The following TCEAL4 variants were observed in gnomAD, a reference collection of about 807,000 sequenced individuals.
TCEAL4 encodes the protein transcription elongation factor A like 4.
A neutral mutation model predicts 1.3 loss-of-function variants in TCEAL4; 1 was observed. The ratio of observed to expected loss-of-function variants is 0.79; its 90% CI spans 0.28 to 3.76. TCEAL4 has a LOEUF of 3.76. Among genes scored for constraint, TCEAL4 ranks in the 30% most tolerant of loss-of-function variants. The pLI is 0.18. For missense variants in TCEAL4, 129 were observed against 154.7 expected (o/e 0.83, Z 0.88); for synonymous variants, 54 against 50.7 (o/e 1.06, Z -0.28).
At chrX:103,581,715 A>C (rs1428189247), upstream of TCEAL4, among the ~76,000 whole-genome samples, 1 of 112,100 alleles carries the variant, frequency 8.9e-6, no homozygotes, top group Non-Finnish European at 1.9e-5. Flanking sequence ...AAAACTCTCA[A>C]TAAACTACAT....
chrX:103,586,524 G>T, intron 2 of TCEAL4, 125 bp from the exon 3 acceptor site: 2 of 941,179 alleles, frequency 2.1e-6, no homozygotes, highest in Non-Finnish European at 2.9e-6. Context: ...TGGAGGCCTG[G>T]CCAGCTTAGG....
exon 1 of TCEAL4, chrX:103,576,308 A>G: frequency 1.5e-6 from 1 of 687,313 alleles, no homozygotes. Context: ...TGGGATATCT[A>G]TTTATGATTT....
intron 1 of TCEAL4, 97 bp from the exon 2 acceptor site, chrX:103,586,122 C>A: frequency 1.8e-6 from 2 of 1,119,882 alleles, no homozygotes; most frequent in Non-Finnish European, 2.4e-6. Flanking sequence ...GGGAGGAAAA[C>A]GTTGGATGAG....
At chrX:103,584,081 C>T (rs749369194), upstream of TCEAL4, among the ~76,000 whole-genome samples, 1 of 110,174 alleles carries the variant, frequency 9.1e-6, no homozygotes, top group African/African-American at 3.3e-5. Flanking sequence ...GCGCCCACCA[C>T]CACGCCCAGC....
rs1569392797 is a variant in TCEAL4, at chrX:103,587,083, T to G, written c.408T>G (p.His136Gln). 24 of 1,211,622 alleles carry G rather than the reference T, an allele frequency of 2.0e-5. No individual in the cohort carries two copies. Among genetic ancestry groups the G allele is most frequent in the Non-Finnish European group, 2.5e-5 (22 of 895,533 alleles). The change falls in exon 3 of 3, where the codon CAT becomes CAG. Residue 136 changes from histidine to glutamine, a missense_variant. Coordinates refer to ENST00000472484, the MANE Select transcript of TCEAL4 (RefSeq NM_001006935.3). ...GAAAAACTAATAAGGGGCTGGCTCA[T>G]TACCTCAAGGAGTATAAAGAGGCCA... ...AKRKTNKGLA[H>Q]YLKEYKEAIH...
upstream of TCEAL4, among the ~76,000 whole-genome samples, chrX:103,585,291 A>C (rs1279217267): frequency 9.1e-6 from 1 of 109,671 alleles, no homozygotes; most frequent in Non-Finnish European, 1.9e-5. Context: ...TAAGAGCAAC[A>C]TTATCAAGAC....
intron 2 of TCEAL4, among the ~76,000 whole-genome samples, chrX:103,579,128 G>T (rs1569388906): frequency 1.8e-5 from 2 of 112,222 alleles, no homozygotes; most frequent in Non-Finnish European, 3.8e-5. Context: ...CACAACTGTA[G>T]GTATGAGGGC....
intron 2 of TCEAL4, among the ~76,000 whole-genome samples, chrX:103,577,797 AATATT>A (rs2073491116): frequency 8.9e-6 from 1 of 112,121 alleles, no homozygotes; most frequent in African/African-American, 3.2e-5. Context: ...TGAAATAATC[AATATT>A]ATGACAGATT....
Position 103,586,984 on chromosome X carries a change from A to G in TCEAL4, c.309A>G (p.Glu103=), listed in dbSNP as rs777698617. The G allele has an allele frequency of 5.0e-6, 6 of 1,208,868 alleles. No homozygotes were observed. The South Asian group carries it at 5.3e-5, about 11-fold the overall frequency. ...KPEIEGKPES[E]GEPGSETRAA... ...AGATAGAGGGAAAGCCAGAGAGTGA[A>G]GGAGAGCCAGGGAGTGAAACAAGGG... The change falls in exon 3 of 3, where the codon GAA becomes GAG. Residue 103 remains glutamate (E), a synonymous_variant. Coordinates refer to ENST00000472484, the MANE Select transcript of TCEAL4 (RefSeq NM_001006935.3).
Position 103,586,896 on chromosome X carries a change from G to T in TCEAL4, c.221G>T (p.Gly74Val). Residue 74 changes from glycine to valine, a missense_variant, in exon 3 of 3, where the codon GGA becomes GTA. Gly to Val is a moderately radical substitution (Grantham distance 109, BLOSUM62 -3). Around this residue, in one of 2 missense-constraint regions of TCEAL4, gnomAD observed 116 missense variants for 120.3 expected, o/e 0.96. Coordinates refer to ENST00000472484, the MANE Select transcript of TCEAL4 (RefSeq NM_001006935.3). Reference sequence around the variant, plus strand: ...GAGAGTGAGGGAGAGGCAAAAGAAGGAAAGTCAGAGAGGGAGGGAGAGTCA... The same window carrying T: ...GAGAGTGAGGGAGAGGCAAAAGAAGTAAAGTCAGAGAGGGAGGGAGAGTCA... ...KPESEGEAKE[G>V]KSEREGESEM... is the part of the protein sequence containing the mutation. 5 of 1,197,083 alleles carry T rather than the reference G, an allele frequency of 4.2e-6. No individual in the cohort carries two copies. Among genetic ancestry groups the T allele is most frequent in the Non-Finnish European group, 5.6e-6 (5 of 888,160 alleles).
In TCEAL4 at chrX:103,586,612, C is replaced by G. The variant is rs1459420881; in HGVS notation, c.-27-37C>G. 2.5e-6 allele frequency: 3 copies of G among 1,179,010 alleles called. No individual in the cohort carries two copies. In the Admixed American group the frequency reaches 7.2e-5, roughly 28 times the overall value. ...CCATGCACTCAGTCTCCCATGTCTC[C>G]TCTTTGTCTCCTCTTTCCTCCACCC... is the stretch of plus-strand genomic sequence containing the variant. On this transcript the variant is annotated intron_variant, in intron 2 of 2. Coordinates refer to ENST00000472484, the MANE Select transcript of TCEAL4 (RefSeq NM_001006935.3).
Position 103,585,878 on chromosome X carries a change from C to T in TCEAL4, c.-101+254C>T, listed in dbSNP as rs2147622476. 9 of 1,052,804 alleles carry T rather than the reference C, an allele frequency of 8.5e-6. No homozygotes were observed. In the South Asian group the frequency reaches 1.7e-4, roughly 20 times the overall value. 86.8% of individuals were successfully genotyped at this position (1,052,804 alleles called of 1,213,427 possible). The stretch of plus-strand genomic sequence containing the variant: ...TTCCAGGCACATCCTCTTCTCTGCC[C>T]TCCGTCCATTTTGGAGCCGGAGATG... On this transcript the variant is annotated intron_variant, in intron 1 of 2. Coordinates refer to ENST00000472484, the MANE Select transcript of TCEAL4 (RefSeq NM_001006935.3).
chrX:103,584,748 A>G (rs2047192152), upstream of TCEAL4, among the ~76,000 whole-genome samples: 1 of 112,463 alleles, frequency 8.9e-6, no homozygotes, highest in African/African-American at 3.2e-5. Context: ...GGAAAGCTTT[A>G]TAGTGGAAAA....
In TCEAL4 at chrX:103,576,482, G is replaced by A. The variant is rs1370944879; in HGVS notation, c.13G>A (p.Gly5Ser). Reference sequence around the variant, plus strand: ...TGCTGAGGTCAAGATGCCAGCTGGAGGCCAGGCGCCGCAGCTCACGCCTGT... The same window carrying A: ...TGCTGAGGTCAAGATGCCAGCTGGAAGCCAGGCGCCGCAGCTCACGCCTGT... The change falls in exon 1 of 5, where the codon GGC becomes AGC. Residue 5 changes from glycine (G) to serine (S), a missense_variant. Transcript: ENST00000372629. 1.0e-5 allele frequency: 12 copies of A among 1,165,688 alleles called. No homozygotes were observed. The South Asian group carries it at 2.1e-4, about 20-fold the overall frequency.
At chrX:103,582,720 C>A (rs2073513681), upstream of TCEAL4, among the ~76,000 whole-genome samples, 1 of 111,951 alleles carries the variant, frequency 8.9e-6, no homozygotes, top group Non-Finnish European at 1.9e-5. Context: ...AGAATTGAAA[C>A]TGGACCCCTT....
chrX:103,586,925 A>G lies in TCEAL4; in HGVS notation c.250A>G (p.Met84Val). The change falls in exon 3 of 3, where the codon ATG (methionine) becomes GTG (valine). Residue 84 changes from methionine (M) to valine (V), a missense_variant. Met to Val is a conservative substitution (Grantham distance 21, BLOSUM62 1). Coordinates refer to ENST00000472484, the MANE Select transcript of TCEAL4 (RefSeq NM_001006935.3). ...GTCAGAGAGGGAGGGAGAGTCAGAGATGGAGGGAGGATCAGAGAGAGAGGG... is the reference window on the plus strand; with the variant it reads ...GTCAGAGAGGGAGGGAGAGTCAGAGGTGGAGGGAGGATCAGAGAGAGAGGG... Reference protein sequence around the residue: ...GKSEREGESEMEGGSEREGKP... With the variant: ...GKSEREGESEVEGGSEREGKP... 5.0e-6 allele frequency: 6 copies of G among 1,204,837 alleles called. No individual in the cohort carries two copies. The highest frequency in any genetic ancestry group is 4.5e-6 in the Non-Finnish European group (4 of 891,920).
At chrX:103,579,487 A>C (rs778777220) in intron 2 of TCEAL4, among the ~76,000 whole-genome samples, 5 of 111,865 alleles carry the variant, frequency 4.5e-5, no homozygotes, top group Non-Finnish European at 5.7e-5. Context: ...CAAGTCTTGG[A>C]CCTTTTATTG....
In TCEAL4 at chrX:103,587,068, T is replaced by C. The variant is rs762097073; in HGVS notation, c.393T>C (p.Asn131=). The stretch of plus-strand genomic sequence containing the variant: ...CCAGGAAAGCCAAAAGAAAAACTAA[T>C]AAGGGGCTGGCTCATTACCTCAAGG... ...DVPRKAKRKT[N]KGLAHYLKEY... The change falls in exon 3 of 3, where the codon AAT becomes AAC. Residue 131 remains asparagine, a synonymous_variant. Coordinates refer to ENST00000472484, the MANE Select transcript of TCEAL4 (RefSeq NM_001006935.3). 2 of 1,210,948 alleles carry C rather than the reference T, an allele frequency of 1.7e-6. No homozygotes were observed. Among genetic ancestry groups the C allele is most frequent in the Non-Finnish European group, 1.1e-6 (1 of 895,334 alleles).
At chrX:103,580,892 T>G (rs1172989016), upstream of TCEAL4, among the ~76,000 whole-genome samples, 1 of 111,124 alleles carries the variant, frequency 9.0e-6, no homozygotes, top group Non-Finnish European at 1.9e-5. Context: ...GTCAAAATGA[T>G]AGCTGAACTG....
Sources: gnomAD v4.1 joint callset for allele counts (sites outside exome capture counted in the v4.1 genomes callset) on GRCh38, gnomAD v4.1.1 for gene constraint, gnomAD v4.1.1 regional missense constraint, MANE v1.5 for transcripts, NCBI Gene and HGNC (gene_info 2026-07-23, HGNC 2026-07-21) for gene names.